FHIT: variants seen among roughly 807,000 people sequenced by gnomAD.
FHIT encodes the protein fragile histidine triad diadenosine triphosphatase, also known as bis(5'-adenosyl)-triphosphatase.
Under a neutral mutation model 17.9 loss-of-function variants are expected in FHIT, and 19 were observed. That is an observed-to-expected ratio of 1.06 (90% CI 0.74 to 1.56). The LOEUF (loss-of-function observed/expected upper bound fraction) is 1.56. Among genes scored for constraint, FHIT ranks in the 40% most tolerant of loss-of-function variants. The probability of loss-of-function intolerance (pLI) is 0.00; values close to 1 mark genes in which losing one functional copy is unlikely to be tolerated. For missense variants in FHIT, 248 were observed against 189.2 expected, an observed-to-expected ratio of 1.31 and a Z score of -1.82; for synonymous variants, 81 against 69.7, an observed-to-expected ratio of 1.16 and a Z score of -0.81.
At chr3:60,945,687 C>T (rs1708607219) in intron 3 of FHIT, among the ~76,000 whole-genome samples, 1 of 152,106 alleles carries the variant, frequency 6.6e-6, no homozygotes, top group Non-Finnish European at 1.5e-5. Context: ...TGCAGAATAC[C>T]AGAAAGGGAG....
At chr3:61,247,765 C>T (rs2040522274) in intron 1 of FHIT, among the ~76,000 whole-genome samples, 1 of 152,180 alleles carries the variant, frequency 6.6e-6, no homozygotes, top group Non-Finnish European at 1.5e-5. Flanking sequence ...ATCAGGCTTA[C>T]AATAACAAAA....
chr3:60,451,464 G>T (rs2031740141), intron 5 of FHIT, among the ~76,000 whole-genome samples: 1 of 151,986 alleles, frequency 6.6e-6, no homozygotes, highest in Admixed American at 6.6e-5. Context: ...ATATTTAACT[G>T]TTACAAGAAT....
At chr3:60,231,415 C>A (rs535986552) in intron 5 of FHIT, among the ~76,000 whole-genome samples, 4 of 152,322 alleles carry the variant, frequency 2.6e-5, no homozygotes, top group African/African-American at 9.6e-5. Flanking sequence ...GTATTACCAA[C>A]ACCTCAGAGT....
intron 5 of FHIT, among the ~76,000 whole-genome samples, chr3:60,300,062 C>A (rs1708385912): frequency 6.6e-6 from 1 of 152,156 alleles, no homozygotes; most frequent in South Asian, 2.1e-4. Context: ...AAGGCAAAAA[C>A]AACGTCTAGG....
chr3:60,129,673 C>T (rs1699449183), intron 5 of FHIT, among the ~76,000 whole-genome samples: 3 of 152,136 alleles, frequency 2.0e-5, no homozygotes, highest in Non-Finnish European at 2.9e-5. Context: ...TTGCTTCATT[C>T]ATCCTGCTTT....
At chr3:60,255,048 T>C (rs1705919756) in intron 5 of FHIT, among the ~76,000 whole-genome samples, 1 of 152,194 alleles carries the variant, frequency 6.6e-6, no homozygotes, top group Non-Finnish European at 1.5e-5. Context: ...TATTTTGCAT[T>C]AGCATTAAGT....
At chr3:60,777,076 C>T (rs550115697) in intron 4 of FHIT, among the ~76,000 whole-genome samples, 1 of 152,328 alleles carries the variant, frequency 6.6e-6, no homozygotes, top group African/African-American at 2.4e-5. Flanking sequence ...AAGGTTTTCG[C>T]TTCTTCAAAA....
chr3:60,029,649 A>C (rs1700898299), intron 5 of FHIT, among the ~76,000 whole-genome samples: 1 of 152,208 alleles, frequency 6.6e-6, no homozygotes, highest in African/African-American at 2.4e-5. Flanking sequence ...GAGGCTCTCT[A>C]AAAGAAAATG....
At chr3:59,785,245 C>T (rs939823486) in intron 8 of FHIT, among the ~76,000 whole-genome samples, 4 of 151,820 alleles carry the variant, frequency 2.6e-5, no homozygotes, top group African/African-American at 7.3e-5. Flanking sequence ...ACCATATCAC[C>T]TATTTATGGC....
At chr3:59,967,960 T>C (rs534087486) in intron 7 of FHIT, among the ~76,000 whole-genome samples, 162 of 152,284 alleles carry the variant, frequency 1.1e-3, no homozygotes, top group Non-Finnish European at 1.9e-3. Context: ...CTGCAAGTTA[T>C]ATGACATACT....
intron 4 of FHIT, among the ~76,000 whole-genome samples, chr3:60,541,008 G>A (rs1034778283): frequency 6.6e-6 from 1 of 152,062 alleles, no homozygotes; most frequent in African/African-American, 2.4e-5. Context: ...CTGGGACAAG[G>A]GCCCAGCAAT....
chr3:60,208,158 G>T (rs1022166214), intron 5 of FHIT, among the ~76,000 whole-genome samples: 2 of 152,144 alleles, frequency 1.3e-5, no homozygotes, highest in South Asian at 4.1e-4. Context: ...CTGTGTACAA[G>T]AACTGCTGAC....
chr3:60,584,401 A>G (rs1219396046), intron 4 of FHIT, among the ~76,000 whole-genome samples: 3 of 151,990 alleles, frequency 2.0e-5, no homozygotes, highest in Admixed American at 2.0e-4. Context: ...ATACACACAT[A>G]CAACCCTTGT....
At chr3:60,620,488 A>G (rs1183505655) in intron 4 of FHIT, among the ~76,000 whole-genome samples, 2 of 152,206 alleles carry the variant, frequency 1.3e-5, no homozygotes, top group Non-Finnish European at 2.9e-5. Flanking sequence ...GTTGAGCCAC[A>G]GAAAGACATG....
chr3:60,280,043 A>T (rs1451577443), intron 5 of FHIT, among the ~76,000 whole-genome samples: 1 of 151,686 alleles, frequency 6.6e-6, no homozygotes, highest in Non-Finnish European at 1.5e-5. Flanking sequence ...AAAAAAAAAA[A>T]AAAAACAATA....
At position 59,825,787 on chromosome 3, in the gene FHIT, C is replaced by A. The variant is rs147148828; in HGVS notation, c.349-73466G>T. On this transcript the variant is annotated intron_variant, in intron 8 of 9. Coordinates refer to ENST00000492590, the MANE Select transcript of FHIT (RefSeq NM_002012.4). ...CTATTGGTCTCAGGAATCATTTGCC[C>A]AATCTACCCTAGGCCAAGCTTTGAA... Among the ~76,000 whole-genome samples the A allele has an allele frequency of 4.9e-3, 747 of 152,218 alleles. 6 individuals are homozygous for A. Among genetic ancestry groups the A allele is most frequent in the African/African-American group, 0.017 (710 of 41,532 alleles).
At chr3:60,103,244 A>G (rs958204387) in intron 5 of FHIT, among the ~76,000 whole-genome samples, 10 of 152,164 alleles carry the variant, frequency 6.6e-5, no homozygotes, top group African/African-American at 2.4e-4. Context: ...TGTAGGGGAG[A>G]AAACGATCAC....
chr3:59,940,674 G>A (rs1182955652), intron 7 of FHIT, among the ~76,000 whole-genome samples: 3 of 152,182 alleles, frequency 2.0e-5, no homozygotes, highest in Non-Finnish European at 2.9e-5. Flanking sequence ...CATTTCCTGT[G>A]TGACCTGTGA....
At chr3:59,897,564 T>C (rs1281377418) in intron 8 of FHIT, among the ~76,000 whole-genome samples, 1 of 152,222 alleles carries the variant, frequency 6.6e-6, no homozygotes, top group Non-Finnish European at 1.5e-5. Context: ...ATGAGAATTA[T>C]TTGATAAATA....
Sources: allele counts gnomAD v4.1 joint callset (sites outside exome capture counted in the v4.1 genomes callset), GRCh38; gene constraint gnomAD v4.1.1; transcripts MANE v1.5; gene names NCBI Gene and HGNC (gene_info 2026-07-23, HGNC 2026-07-21).